The following ABHD17B variants were observed in gnomAD, a reference collection of about 807,000 sequenced individuals.
ABHD17B encodes the protein alpha/beta hydrolase domain-containing protein 17B.
A neutral mutation model predicts 26.2 loss-of-function variants in ABHD17B; 9 were observed. The observed-to-expected ratio is 0.34, with a 90% CI of 0.21 to 0.60. ABHD17B has a LOEUF of 0.60. Among genes scored for constraint, ABHD17B ranks in the 20% least tolerant of loss-of-function variants. The probability of loss-of-function intolerance (pLI) is 0.80; values close to 1 mark genes in which losing one functional copy is unlikely to be tolerated. For missense variants in ABHD17B, 224 were observed against 352.1 expected, an observed-to-expected ratio of 0.64 and a Z score of 2.91; for synonymous variants, 127 against 122.3, an observed-to-expected ratio of 1.04 and a Z score of -0.25.
intron 1 of ABHD17B, among the ~76,000 whole-genome samples, chr9:71,883,456 T>G (rs1399291755): frequency 1.3e-5 from 2 of 152,214 alleles, no homozygotes; most frequent in African/African-American, 4.8e-5. Context: ...AAAGGATGGA[T>G]TCTTTAGTAG....
intron 2 of ABHD17B, among the ~76,000 whole-genome samples, chr9:71,871,825 A>T (rs1826123061): frequency 6.6e-6 from 1 of 152,198 alleles, no homozygotes; most frequent in Non-Finnish European, 1.5e-5. Flanking sequence ...TTTACCTCTG[A>T]AGCACACAGA....
At chr9:71,902,161 T>C (rs1443768108) in intron 1 of ABHD17B, among the ~76,000 whole-genome samples, 1 of 152,214 alleles carries the variant, frequency 6.6e-6, no homozygotes, top group Non-Finnish European at 1.5e-5. Flanking sequence ...TAAACCTCTG[T>C]TTAAGCTGTA....
intron 1 of ABHD17B, among the ~76,000 whole-genome samples, chr9:71,905,151 C>T (rs1156907448): frequency 6.6e-6 from 1 of 150,980 alleles, no homozygotes; most frequent in Admixed American, 6.6e-5. Flanking sequence ...GAGACGGAGT[C>T]TCATTGTGTC....
chr9:71,906,825 A>AC (rs1479344353), intron 1 of ABHD17B, among the ~76,000 whole-genome samples: 8 of 151,338 alleles, frequency 5.3e-5, no homozygotes, highest in African/African-American at 1.9e-4. Flanking sequence ...CAAACAAAAA[A>AC]AAAAACAGCA....
At position 71,873,599 on chromosome 9, in the gene ABHD17B, T is replaced by C. The variant is rs1370617474; in HGVS notation, c.467+1015A>G. Among the ~76,000 whole-genome samples, 3 of 152,158 alleles carry C rather than the reference T, an allele frequency of 2.0e-5. 1 individual carries two copies. The highest frequency in any genetic ancestry group is 4.4e-5 in the Non-Finnish European group (3 of 68,024). On this transcript the variant is annotated intron_variant, in intron 2 of 3. Coordinates refer to ENST00000333421, the MANE Select transcript of ABHD17B (RefSeq NM_001025780.3). Reference sequence around the variant, plus strand: ...TTTTAGTAGAGACGGGGTTTCACCATCTTGGCCAGGCTGGTCTCGAATACC... The same window carrying C: ...TTTTAGTAGAGACGGGGTTTCACCACCTTGGCCAGGCTGGTCTCGAATACC...
downstream of ABHD17B, among the ~76,000 whole-genome samples, chr9:71,864,325 T>C (rs1016242684): frequency 1.4e-5 from 2 of 147,196 alleles, no homozygotes; most frequent in South Asian, 4.3e-4. Context: ...GTTCAAGTGA[T>C]TCTCCTGCCT....
chr9:71,870,037 T>C, intron 3 of ABHD17B, 46 bp downstream of exon 3: 1 of 1,530,170 alleles, frequency 6.5e-7, no homozygotes, highest in Non-Finnish European at 8.8e-7. Context: ...GATGAAAAAA[T>C]TCCCAAGTTT....
chr9:71,891,803 T>C (rs1826792220), intron 1 of ABHD17B, among the ~76,000 whole-genome samples: 1 of 152,196 alleles, frequency 6.6e-6, no homozygotes, highest in African/African-American at 2.4e-5. Flanking sequence ...GTATGTTCTG[T>C]TTATCTCTTC....
At chr9:71,895,925 A>T (rs911350309) in intron 1 of ABHD17B, among the ~76,000 whole-genome samples, 2 of 152,182 alleles carry the variant, frequency 1.3e-5, no homozygotes, top group African/African-American at 2.4e-5. Context: ...TTTGGGACAA[A>T]AGGTCCAAAA....
At chr9:71,893,317 C>T (rs1199832208) in intron 1 of ABHD17B, among the ~76,000 whole-genome samples, 1 of 152,220 alleles carries the variant, frequency 6.6e-6, no homozygotes, top group African/African-American at 2.4e-5. Flanking sequence ...GGGCTCCCCA[C>T]TTCCAATCCC....
chr9:71,868,966 G>A (rs1489119596), intron 3 of ABHD17B, among the ~76,000 whole-genome samples: 1 of 152,176 alleles, frequency 6.6e-6, no homozygotes, highest in Non-Finnish European at 1.5e-5. Flanking sequence ...TGGGACTACA[G>A]GCGTGAACCA....
rs1827445407 is a variant in ABHD17B, at chr9:71,910,798, C to T, written c.-168G>A. The T allele has an allele frequency of 6.6e-6, 1 of 152,032 alleles. No individual in the cohort carries two copies. Among genetic ancestry groups the T allele is most frequent in the Non-Finnish European group, 1.5e-5 (1 of 67,980 alleles). 9.4% of individuals were successfully genotyped at this position (152,032 alleles called of 1,614,324 possible). ...AGGAGCGGGGACCAGGGCTACAGCCCCCGGCGCCGGGGCGAAGAAGGACGG... is the reference window on the plus strand; with the variant it reads ...AGGAGCGGGGACCAGGGCTACAGCCTCCGGCGCCGGGGCGAAGAAGGACGG... On this transcript the variant is annotated 5_prime_UTR_variant, in exon 1 of 4. Transcript: ENST00000333421.
chr9:71,874,653 T>C lies in ABHD17B; in HGVS notation c.428A>G (p.Tyr143Cys), dbSNP rs1321639777. 1 of 1,610,670 alleles carries C rather than the reference T, an allele frequency of 6.2e-7. No homozygotes were observed. Among genetic ancestry groups the C allele is most frequent in the South Asian group, 1.1e-5 (1 of 90,602 alleles). The change falls in exon 2 of 4, where the codon TAT (tyrosine) becomes TGT (cysteine). Residue 143 changes from tyrosine (Y) to cysteine (C), a missense_variant. Coordinates refer to ENST00000333421, the MANE Select transcript of ABHD17B (RefSeq NM_001025780.3). ...AAGCCAAGCAGCTTCAATGTCTGCATAGAGGTTCTTCTCTGTGGGTTTCCC... is the reference window on the plus strand; with the variant it reads ...AAGCCAAGCAGCTTCAATGTCTGCACAGAGGTTCTTCTCTGTGGGTTTCCC... ...SSGKPTEKNL[Y>C]ADIEAAWLAL...
chr9:71,903,807 A>T (rs1827209652), intron 1 of ABHD17B, among the ~76,000 whole-genome samples: 1 of 152,232 alleles, frequency 6.6e-6, no homozygotes, highest in African/African-American at 2.4e-5. Context: ...GACCGTAATA[A>T]ATGCTATGAA....
At chr9:71,905,283 C>T (rs372796976) in intron 1 of ABHD17B, among the ~76,000 whole-genome samples, 2 of 151,804 alleles carry the variant, frequency 1.3e-5, no homozygotes, top group Non-Finnish European at 2.9e-5. Flanking sequence ...CCACTACACC[C>T]GGCTAAGTTT....
downstream of ABHD17B, chr9:71,862,717 A>G (rs1029080170): frequency 1.6e-6 from 1 of 622,542 alleles, no homozygotes; most frequent in South Asian, 2.0e-5. Context: ...TTTGTCATGT[A>G]TGTCTAAATG....
At position 71,883,073 on chromosome 9, in the gene ABHD17B, G is replaced by A. The variant is rs144072510; in HGVS notation, c.-3-7990C>T. ...CAGGAGAATCGTTTGAACCTGGGAG[G>A]CGGAGGTTGCCATGAGCTGAGATTG... On this transcript the variant is annotated intron_variant, in intron 1 of 3. Transcript: ENST00000333421. Among the ~76,000 whole-genome samples, 213 of 152,272 alleles carry A rather than the reference G, an allele frequency of 1.4e-3. 1 individual carries two copies. Among genetic ancestry groups the A allele is most frequent in the African/African-American group, 5.0e-3 (208 of 41,546 alleles).
intron 1 of ABHD17B, among the ~76,000 whole-genome samples, chr9:71,907,353 CTATA>C (rs574605644): frequency 1.3e-5 from 2 of 151,702 alleles, no homozygotes; most frequent in African/African-American, 4.8e-5. Context: ...CAAAATAAAA[CTATA>C]TATATATAAT....
intron 1 of ABHD17B, among the ~76,000 whole-genome samples, chr9:71,903,781 G>A (rs1315167553): frequency 2.6e-5 from 4 of 152,178 alleles, no homozygotes; most frequent in Admixed American, 2.6e-4. Flanking sequence ...ATCAAATAAT[G>A]ACACAGATAA....
Sources: allele counts gnomAD v4.1 joint callset (sites outside exome capture counted in the v4.1 genomes callset), GRCh38; gene constraint gnomAD v4.1.1; transcripts MANE v1.5; gene names NCBI Gene and HGNC (gene_info 2026-07-23, HGNC 2026-07-21).